Variants in MUC4 observed in about 807,000 individuals in gnomAD.
MUC4 encodes mucin-4.
MUC4 carries 202 observed loss-of-function variants against 257.9 expected under a neutral mutation model. That is an observed-to-expected ratio of 0.78 (90% CI 0.70 to 0.88). The LOEUF (loss-of-function observed/expected upper bound fraction) is 0.88, where lower values mean the gene tolerates loss of function less well. MUC4 is among the 40% of genes least tolerant of loss of function. The pLI is 0.00. For synonymous variants in MUC4, 2,351 were observed against 2,757.1 expected (o/e 0.85, Z 4.62); for missense variants, 5,976 against 6,513.7 (o/e 0.92, Z 2.84).
At position 195,747,052 on chromosome 3, in the gene MUC4, T is replaced by G; in HGVS notation, c.*124A>C. On this transcript the variant is annotated 3_prime_UTR_variant, in exon 25 of 25. Coordinates refer to ENST00000463781, the MANE Select transcript of MUC4 (RefSeq NM_018406.7). The stretch of plus-strand genomic sequence containing the variant: ...TTGTCTTGATTCCCAGTATTCATTC[T>G]CCTTGAAGAATCCTGACAGCCTTCA... 2 of 1,310,524 alleles carry G rather than the reference T, an allele frequency of 1.5e-6. No homozygotes were observed. Among genetic ancestry groups the G allele is most frequent in the Non-Finnish European group, 2.2e-6 (2 of 927,614 alleles). The allele number at this position is 1,310,524 out of a possible 1,614,324, so 81.2% of individuals were successfully genotyped here.
rs1257292020 is a variant in MUC4, at chr3:195,791,202, A to G, written c.378T>C (p.Ser126=). The G allele has an allele frequency of 3.7e-6, 6 of 1,613,248 alleles. No homozygotes were observed. The highest frequency in any genetic ancestry group is 4.2e-6 in the Non-Finnish European group (5 of 1,179,604). ...ATGTCATCATGAGTGTGTTGGTGAC[A>G]CTGGAGGGAAATGATGTGGTCATTT... ...PDEMTTSFPS[S]VTNTLMMTSK... The change falls in exon 2 of 25, where the codon AGT becomes AGC. Residue 126 remains serine, a synonymous_variant. Coordinates refer to ENST00000463781, the MANE Select transcript of MUC4 (RefSeq NM_018406.7).
intron 21 of MUC4, chr3:195,751,521 A>C: frequency 1.7e-6 from 1 of 583,404 alleles, no homozygotes; most frequent in South Asian, 2.0e-5. Context: ...GCCTCATATG[A>C]CGAGCAGAGA....
rs749344892 is a variant in MUC4, at chr3:195,771,662, G to A, written c.13232C>T (p.Thr4411Ile). The part of the protein sequence containing the change: ...DADFSTGRGT[T>I]FYQEYETFYG... ...CTTTGAAAGGCTCACCTGATAAAATGTGGTCCCCCGACCAGTGGAGAAGTC... is the reference window on the plus strand; with the variant it reads ...CTTTGAAAGGCTCACCTGATAAAATATGGTCCCCCGACCAGTGGAGAAGTC... The change falls in exon 5 of 25, where the codon ACA (threonine) becomes ATA (isoleucine). Residue 4411 changes from threonine (T) to isoleucine (I), a missense_variant. By Grantham distance (89) the Thr-to-Ile change is moderately conservative. Coordinates refer to ENST00000463781, the MANE Select transcript of MUC4 (RefSeq NM_018406.7). 3.1e-6 allele frequency: 5 copies of A among 1,613,598 alleles called. No individual in the cohort carries two copies. In the South Asian group the frequency reaches 3.3e-5, roughly 11 times the overall value.
At chr3:195,792,959 A>G (rs1358674152) in intron 1 of MUC4, among the ~76,000 whole-genome samples, 1 of 152,168 alleles carries the variant, frequency 6.6e-6, no homozygotes, top group Non-Finnish European at 1.5e-5. Context: ...AGAGAGGGGA[A>G]CAACACACAC....
At position 195,785,896 on chromosome 3, in the gene MUC4, T is replaced by C. The variant is rs2641778; in HGVS notation, c.5684A>G (p.Asn1895Ser). The change falls in exon 2 of 25, where the codon AAC becomes AGC. Residue 1895 changes from asparagine to serine, a missense_variant. Asn to Ser is a conservative substitution (Grantham distance 46). Around this residue, in one of 44 missense-constraint regions of MUC4, gnomAD observed 87 missense variants for 104.6 expected, o/e 0.83. Coordinates refer to ENST00000463781, the MANE Select transcript of MUC4 (RefSeq NM_018406.7). ...DTTPLPVTDT[N>S]SASTGDTTPL... ...GGTGGTGTCACCTGTGGATGCTGAG[T>C]TAGTGTCGGTGACAGGAAGAGGGGT... 2 of 1,223,518 alleles carry C rather than the reference T, an allele frequency of 1.6e-6. No individual in the cohort carries two copies. Among genetic ancestry groups the C allele is most frequent in the African/African-American group, 4.2e-5 (2 of 47,390 alleles). 75.8% of individuals were successfully genotyped at this position (1,223,518 alleles called of 1,614,324 possible).
Position 195,782,154 on chromosome 3 carries a change from A to T in MUC4, c.9426T>A (p.Thr3142=), listed in dbSNP as rs561823882. 99 of 1,371,590 alleles carry T rather than the reference A, an allele frequency of 7.2e-5. 2 individuals carry two copies. Among genetic ancestry groups the T allele is most frequent in the Non-Finnish European group, 9.0e-5 (94 of 1,043,982 alleles). The allele number at this position is 1,371,590 out of a possible 1,614,324, so 85.0% of individuals were successfully genotyped here. The part of the protein sequence containing the change: ...GQATALPVTS[T]SSASTGDTTP... ...TGGTGTCACCTGTGGATGCTGAGGA[A>T]GTGCTGGTGACAGGAAGAGCGGTGG... is the stretch of plus-strand genomic sequence containing the variant. The change falls in exon 2 of 25, where the codon ACT becomes ACA. Residue 3142 remains threonine (T), a synonymous_variant. Transcript: ENST00000463781.
chr3:195,785,200 G>T lies in MUC4; in HGVS notation c.6380C>A (p.Thr2127Asn), dbSNP rs753887093. The T allele has an allele frequency of 1.6e-5, 25 of 1,548,858 alleles. No homozygotes were observed. The African/African-American group carries it at 2.8e-4, about 17-fold the overall frequency. The change falls in exon 2 of 25, where the codon ACC becomes AAC. Residue 2127 changes from threonine to asparagine, a missense_variant. By Grantham distance (65) the Thr-to-Asn change is moderately conservative. Coordinates refer to ENST00000463781, the MANE Select transcript of MUC4 (RefSeq NM_018406.7). ...GGAAGGGCTGGTGACAGGAAGAGGG[G>T]TGGTGTCCCCTGTGGATAATGAGGA... ...DASSLSTGDT[T>N]PLPVTSPSST... is the part of the protein sequence containing the mutation.
In MUC4 at chr3:195,766,374, C is replaced by G. The variant is rs180777657; in HGVS notation, c.13618+289G>C. The stretch of plus-strand genomic sequence containing the variant: ...CCCACCTCCCACAAGACCCTGTCCT[C>G]ACTTCCAGGATCTGGGCCCCCCGAG... On this transcript the variant is annotated intron_variant, in intron 8 of 24. Transcript: ENST00000463781. Among the ~76,000 whole-genome samples the G allele has an allele frequency of 7.8e-4, 119 of 152,202 alleles. 1 individual carries two copies. Among genetic ancestry groups the G allele is most frequent in the Non-Finnish European group, 1.5e-3 (103 of 68,000 alleles).
In MUC4 at chr3:195,791,320, T is replaced by C; in HGVS notation, c.260A>G (p.Lys87Arg). ...CTGCGTGAGGGTGTCGGTTTGAGCT[T>C]TGCTGGTGGTCTCCGTGCTCTTAGT... Reference protein sequence around the residue: ...HQTKSTETTSKAQTDTLTQMM... With the variant: ...HQTKSTETTSRAQTDTLTQMM... The change falls in exon 2 of 25, where the codon AAA (lysine) becomes AGA (arginine). Residue 87 changes from lysine (K) to arginine (R), a missense_variant. Lys to Arg is a conservative substitution (Grantham distance 26, BLOSUM62 2). Coordinates refer to ENST00000463781, the MANE Select transcript of MUC4 (RefSeq NM_018406.7). The C allele has an allele frequency of 6.2e-7, 1 of 1,613,800 alleles. No homozygotes were observed. Among genetic ancestry groups the C allele is most frequent in the South Asian group, 1.1e-5 (1 of 91,040 alleles).
rs777424867 is a variant in MUC4 at position 195,791,149 on chromosome 3, G to A, written c.431C>T (p.Thr144Ile). Residue 144 changes from threonine to isoleucine, a missense_variant, in exon 2 of 25, where the codon ACA becomes ATA. Physicochemically the swap from Thr to Ile is moderately conservative, Grantham distance 89. This residue lies in a region of MUC4 where 1,583 missense variants were observed against 1,257.4 expected (regional missense o/e 1.26). Coordinates refer to ENST00000463781, the MANE Select transcript of MUC4 (RefSeq NM_018406.7). ...TSKTITMTTS[T>I]DSTLGNTEET... The stretch of plus-strand genomic sequence containing the variant: ...TTCTGTGTTTCCAAGAGTGGAGTCT[G>A]TGGAGGTTGTCATTGTTATAGTCTT... 4.3e-6 allele frequency: 7 copies of A among 1,613,986 alleles called. No homozygotes were observed. Among genetic ancestry groups the A allele is most frequent in the Non-Finnish European group, 5.9e-6 (7 of 1,179,870 alleles).
At position 195,757,359 on chromosome 3, in the gene MUC4, C is replaced by T. The variant is rs925855249; in HGVS notation, c.14987-31G>A. The T allele has an allele frequency of 1.3e-6, 2 of 1,570,548 alleles. No individual in the cohort carries two copies. Among genetic ancestry groups the T allele is most frequent in the African/African-American group, 2.7e-5 (2 of 74,294 alleles). The stretch of plus-strand genomic sequence containing the variant: ...CCGGGGAAGATGAGAATGTTGAGAG[C>T]TGGGAGACTCCTCGGCTCTGTGGTC... On this transcript the variant is annotated intron_variant, in intron 17 of 24. Transcript: ENST00000463781. This position sits in a 1 kb window ranked among gnomAD's most constrained non-coding sequence, Gnocchi z 4.8.
At position 195,748,923 on chromosome 3, in the gene MUC4, A is replaced by C. The variant is rs1186209359; in HGVS notation, c.16013T>G (p.Leu5338Arg). The part of the protein sequence containing the change: ...YCDHGGQCQH[L>R]PSGPRCSCVS... ...GCACCTGCAGCGGGGCCCACTGGGC[A>C]GGTGCTGGCACTGGCCTCCATGGTC... is the stretch of plus-strand genomic sequence containing the variant. The change falls in exon 24 of 25, where the codon CTG becomes CGG. Residue 5338 changes from leucine (L) to arginine (R), a missense_variant. Around this residue, in one of 44 missense-constraint regions of MUC4, gnomAD observed 310 missense variants for 242.1 expected, o/e 1.28. Transcript: ENST00000463781. 1 of 1,589,796 alleles carries C rather than the reference A, an allele frequency of 6.3e-7. No homozygotes were observed. The highest frequency in any genetic ancestry group is 1.7e-5 in the Admixed American group (1 of 57,172).
In MUC4 at chr3:195,762,122, G is replaced by T. The variant is rs1719110380; in HGVS notation, c.14477C>A (p.Pro4826Gln). 1.2e-6 allele frequency: 2 copies of T among 1,607,572 alleles called. No homozygotes were observed. The highest frequency in any genetic ancestry group is 1.1e-5 in the South Asian group (1 of 90,128). ...SNILHASASL[P>Q]PEYQNRTEGL... ...CTCCGTGCGGTTCTGGTACTCGGGC[G>T]GGAGGCTGGCGGAGGCGTGGAGGAT... Residue 4826 changes from proline to glutamine, a missense_variant, in exon 14 of 25, where the codon CCG becomes CAG. This residue lies in a region of MUC4 where 996 missense variants were observed against 1,137.3 expected (regional missense o/e 0.88). Coordinates refer to ENST00000463781, the MANE Select transcript of MUC4 (RefSeq NM_018406.7).
At position 195,747,477 on chromosome 3, in the gene MUC4, G is replaced by GCTGGGCTCGCCCCACTCTCCGGAGAGA. The variant is rs1367017447; in HGVS notation, c.16035-124_16035-98dup. On this transcript the variant is annotated intron_variant, in intron 24 of 24. Transcript: ENST00000463781. ...GGGAAGAAGAGGTTCTGTAGGAGAG[G>GCTGGGCTCGCCCCACTCTCCGGAGAGA]CTGGGCTCGCCCCACTCTCCGGAGA... The GCTGGGCTCGCCCCACTCTCCGGAGAGA allele has an allele frequency of 3.2e-5, 43 of 1,360,332 alleles. No homozygotes were observed. In the East Asian group the frequency reaches 3.9e-4, roughly 12 times the overall value. 84.3% of individuals were successfully genotyped at this position (1,360,332 alleles called of 1,614,324 possible).
Position 195,791,280 on chromosome 3 carries a change from A to C in MUC4, c.300T>G (p.Thr100=), listed in dbSNP as rs1466051827. 1 of 1,612,734 alleles carries C rather than the reference A, an allele frequency of 6.2e-7. No individual in the cohort carries two copies. The highest frequency in any genetic ancestry group is 1.7e-5 in the Admixed American group (1 of 59,918). The change falls in exon 2 of 25, where the codon ACT becomes ACG. Residue 100 remains threonine (T), a synonymous_variant. Transcript: ENST00000463781. ...TDTLTQMMTS[T]LFSSPSVHNV... is the part of the protein sequence containing the mutation. ...TGTGTACACTTGGGGAAGAAAAAAG[A>C]GTTGATGTCATCATCTGCGTGAGGG... is the stretch of plus-strand genomic sequence containing the variant.
In MUC4 at chr3:195,781,356, A is replaced by G. The variant is rs1356168470; in HGVS notation, c.10224T>C (p.Pro3408=). Residue 3408 remains proline (P), a synonymous_variant, in exon 2 of 25, where the codon CCT becomes CCC. Transcript: ENST00000463781. ...CTGAGGAAGGGCTAGTGACAGGAAG[A>G]GGCATGGTGTCACCTGTGGATACTG... is the stretch of plus-strand genomic sequence containing the variant. The part of the protein sequence containing the change: ...TSSVSTGDTM[P]LPVTSPSSAS... 2.4e-5 allele frequency: 35 copies of G among 1,484,222 alleles called. 2 individuals are homozygous for G. Among genetic ancestry groups the G allele is most frequent in the Non-Finnish European group, 3.2e-5 (35 of 1,103,554 alleles). The allele number at this position is 1,484,222 out of a possible 1,614,324, so 91.9% of individuals were successfully genotyped here.
chr3:195,763,893 CTCCACTGACCA>C, intron 11 of MUC4, 141 bp downstream of exon 11: 1 of 1,290,134 alleles, frequency 7.8e-7, no homozygotes, highest in East Asian at 2.5e-5. Flanking sequence ...TACAAAGCCC[CTCCACTGACCA>C]TCCACCCATC....
In MUC4 at chr3:195,789,330, G is replaced by A; in HGVS notation, c.2250C>T (p.Gly750=). ...LANSVVSTPG[G]PEGQWTSASA... Reference sequence around the variant, plus strand: ...AGGCTGATGTCCATTGTCCTTCTGGGCCCCCTGGTGTTGACACTACAGAGT... The same window carrying A: ...AGGCTGATGTCCATTGTCCTTCTGGACCCCCTGGTGTTGACACTACAGAGT... Residue 750 remains glycine (G), a synonymous_variant, in exon 2 of 25, where the codon GGC becomes GGT. Coordinates refer to ENST00000463781, the MANE Select transcript of MUC4 (RefSeq NM_018406.7). 1 of 1,613,860 alleles carries A rather than the reference G, an allele frequency of 6.2e-7. No individual in the cohort carries two copies. The highest frequency in any genetic ancestry group is 8.5e-7 in the Non-Finnish European group (1 of 1,179,860).
chr3:195,771,909 A>C, intron 4 of MUC4, 93 bp from the exon 5 acceptor site: 1 of 1,405,168 alleles, frequency 7.1e-7, no homozygotes, highest in South Asian at 1.3e-5. Context: ...GTGACCCCCA[A>C]GGGTAGAGCT....
Sources: allele counts gnomAD v4.1 joint callset (sites outside exome capture counted in the v4.1 genomes callset), GRCh38; gene constraint gnomAD v4.1.1; regional missense constraint gnomAD v4.1.1; non-coding constraint Gnocchi (gnomAD v3.1); transcripts MANE v1.5; gene names NCBI Gene and HGNC (gene_info 2026-07-23, HGNC 2026-07-21).